The following DDX17 variants were observed in gnomAD, a reference collection of about 807,000 sequenced individuals.
DDX17 encodes the protein DEAD-box helicase 17, also known as probable ATP-dependent RNA helicase DDX17.
In DDX17, 10 loss-of-function variants were observed where a neutral mutation model predicts 80.8. That is an observed-to-expected ratio of 0.12 (90% CI 0.08 to 0.21). The LOEUF (loss-of-function observed/expected upper bound fraction) is 0.21. Ranked by LOEUF, DDX17 falls within the 10% of genes least tolerant of loss-of-function variation. The pLI, the probability that DDX17 is intolerant of heterozygous loss-of-function variation, is 1.00. For synonymous variants in DDX17, 339 were observed against 336.2 expected (o/e 1.01, Z -0.09); for missense variants, 586 against 957.4 (o/e 0.61, Z 5.12).
chr22:38,495,953 A>G lies in DDX17; in HGVS notation c.739-16T>C, dbSNP rs778801408. 1.3e-6 allele frequency: 2 copies of G among 1,538,338 alleles called. No individual in the cohort carries two copies. Among genetic ancestry groups the G allele is most frequent in the Admixed American group, 2.1e-5 (1 of 47,392 alleles). ...GAACTAGACACTGAAACCAACAAAA[A>G]GACACTTGAGACCTCATCCAAGGTT... On this transcript the variant is annotated splice_polypyrimidine_tract_variant and intron_variant, in intron 5 of 12. Transcript: ENST00000403230.
chr22:38,502,799 C>T (rs2089843573), intron 1 of DDX17, among the ~76,000 whole-genome samples: 1 of 152,166 alleles, frequency 6.6e-6, no homozygotes, highest in Admixed American at 6.5e-5. Flanking sequence ...TTCTTTACTC[C>T]TTGTAAAATA....
Position 38,485,676 on chromosome 22 carries a change from C to CCA in DDX17, c.*258_*259insTG, listed in dbSNP as rs2089647940. The stretch of plus-strand genomic sequence containing the variant: ...GAAGAAATTAATCTCTTCCAGTCAG[C>CCA]TATATATATATATATATATTTTTTT... On this transcript the variant is annotated 3_prime_UTR_variant, in exon 13 of 13. Transcript: ENST00000403230. The CCA allele has an allele frequency of 1.3e-5, 2 of 154,338 alleles. No homozygotes were observed. The highest frequency in any genetic ancestry group is 1.3e-4 in the Admixed American group (2 of 15,266). 9.6% of individuals were successfully genotyped at this position (154,338 alleles called of 1,614,324 possible). A position where few individuals can be genotyped will look rare whatever the true frequency, so the allele number is the denominator to read the frequency against.
rs1235989183 is a variant in DDX17 at position 38,494,925 on chromosome 22, C to A, written c.1002G>T (p.Gly334=). The A allele has an allele frequency of 1.2e-6, 2 of 1,614,178 alleles. No homozygotes were observed. Among genetic ancestry groups the A allele is most frequent in the Middle Eastern group, 1.6e-4 (1 of 6,062 alleles). ...CAATTTTACGGATCTGGGGTTCAAA[C>A]CCCATATCAAGCATTCTGTCAGCTT... is the stretch of plus-strand genomic sequence containing the variant. The change falls in exon 7 of 13, where the codon GGG becomes GGT. Residue 334 remains glycine (G), a synonymous_variant. Transcript: ENST00000403230.
chr22:38,503,288 C>T (rs1436337294), intron 1 of DDX17, among the ~76,000 whole-genome samples: 2 of 152,206 alleles, frequency 1.3e-5, no homozygotes, highest in Admixed American at 1.3e-4. Flanking sequence ...TTTGGATTAT[C>T]ACTCTTGCAA....
intron 11 of DDX17, chr22:38,488,766 TC>T (rs2089686626): frequency 1.0e-6 from 1 of 985,634 alleles, no homozygotes; most frequent in African/African-American, 1.7e-5. Context: ...AGATTATCTA[TC>T]CCCTTTCAAT....
chr22:38,496,831 CAAATT>C (rs760201000), intron 5 of DDX17, among the ~76,000 whole-genome samples: 10 of 152,090 alleles, frequency 6.6e-5, no homozygotes, highest in Non-Finnish European at 1.2e-4. Context: ...ATATACCATT[CAAATT>C]AAATTATGAA....
At chr22:38,494,196 A>T in intron 8 of DDX17, 65 bp from the exon 9 acceptor site, 1 of 1,085,494 alleles carries the variant, frequency 9.2e-7, no homozygotes, top group Non-Finnish European at 1.4e-6. Flanking sequence ...TTATGTCTGC[A>T]ATATCAACTC....
rs532320087 is a variant in DDX17 at position 38,495,243 on chromosome 22, G to A, written c.881-197C>T. Among the ~76,000 whole-genome samples, 195 of 82,518 alleles carry A rather than the reference G, an allele frequency of 2.4e-3. 1 individual carries two copies. The highest frequency in any genetic ancestry group is 9.3e-3 in the African/African-American group (187 of 20,050). 54.1% of individuals were successfully genotyped at this position (82,518 alleles called of 152,430 possible). ...TGGCTGTACTCAATGCTGCAGAGAA[G>A]CTATTTTTTTTTTTTTTTTTGAGAT... On this transcript the variant is annotated intron_variant, in intron 6 of 12. Transcript: ENST00000403230.
intron 5 of DDX17, among the ~76,000 whole-genome samples, chr22:38,497,547 G>A (rs965182187): frequency 1.4e-5 from 2 of 147,082 alleles, no homozygotes; most frequent in Admixed American, 1.4e-4. Flanking sequence ...GAACCTGGCA[G>A]GCGGAGGTTG....
chr22:38,495,112 A>C, intron 6 of DDX17, 66 bp from the exon 7 acceptor site: 1 of 1,516,696 alleles, frequency 6.6e-7, no homozygotes, highest in Non-Finnish European at 8.9e-7. Context: ...GTGTTCTAGC[A>C]CTTTGGGAAG....
chr22:38,502,179 G>C (rs982724495), intron 1 of DDX17, among the ~76,000 whole-genome samples: 1 of 152,164 alleles, frequency 6.6e-6, no homozygotes, highest in African/African-American at 2.4e-5. Flanking sequence ...GGGAGGCGGA[G>C]GCCAGTGGAT....
chr22:38,488,473 G>A, intron 11 of DDX17: 2 of 1,119,010 alleles, frequency 1.8e-6, no homozygotes, highest in Non-Finnish European at 2.2e-6. Context: ...TACAAAACCA[G>A]AACATAGAAC....
At chr22:38,493,031 A>C (rs1281041569) in intron 10 of DDX17, among the ~76,000 whole-genome samples, 1 of 152,220 alleles carries the variant, frequency 6.6e-6, no homozygotes, top group East Asian at 1.9e-4. Flanking sequence ...AAAAAGTTTA[A>C]AGAGCCAGCA....
At chr22:38,499,866 C>T (rs2089809580) in intron 2 of DDX17, among the ~76,000 whole-genome samples, 3 of 151,976 alleles carry the variant, frequency 2.0e-5, no homozygotes, top group South Asian at 2.1e-4. Flanking sequence ...TAATGAGGTA[C>T]AAGAAGAGAC....
intron 1 of DDX17, chr22:38,505,583 A>C: frequency 4.4e-6 from 1 of 228,930 alleles, no homozygotes; most frequent in Non-Finnish European, 8.4e-6. Flanking sequence ...GCCTGGAGAC[A>C]TCGAACAGCC....
chr22:38,504,356 G>T (rs778631085), intron 1 of DDX17, among the ~76,000 whole-genome samples: 7 of 152,106 alleles, frequency 4.6e-5, no homozygotes, highest in Non-Finnish European at 8.8e-5. Context: ...CCAATATCCT[G>T]TTAGCACGAA....
intron 11 of DDX17, 52 bp downstream of exon 11, chr22:38,492,004 T>C: frequency 7.5e-7 from 1 of 1,335,982 alleles, no homozygotes; most frequent in East Asian, 2.5e-5. Flanking sequence ...ATGACGAATC[T>C]TTAAACCAAA....
chr22:38,504,855 A>C (rs2089864421), intron 1 of DDX17, among the ~76,000 whole-genome samples: 1 of 151,794 alleles, frequency 6.6e-6, no homozygotes, highest in Non-Finnish European at 1.5e-5. Flanking sequence ...AAAAGGTAGG[A>C]TCTTGACCAA....
chr22:38,500,246 A>C (rs2089814123), intron 2 of DDX17, among the ~76,000 whole-genome samples: 2 of 151,990 alleles, frequency 1.3e-5, no homozygotes, highest in Non-Finnish European at 2.9e-5. Context: ...ACAATATTTC[A>C]ATCATGTATA....
Sources: gnomAD v4.1 joint callset for allele counts (sites outside exome capture counted in the v4.1 genomes callset) on GRCh38, gnomAD v4.1.1 for gene constraint, MANE v1.5 for transcripts, NCBI Gene and HGNC (gene_info 2026-07-23, HGNC 2026-07-21) for gene names.